The following CSRNP3 variants were observed in gnomAD, a reference collection of about 807,000 sequenced individuals.
CSRNP3 encodes the protein cysteine/serine-rich nuclear protein 3.
A neutral mutation model predicts 48.0 loss-of-function variants in CSRNP3; 12 were observed. That is an observed-to-expected ratio of 0.25 (90% CI 0.16 to 0.41). The LOEUF (loss-of-function observed/expected upper bound fraction) is 0.41, where lower values mean the gene tolerates loss of function less well. CSRNP3 is among the 10% of genes least tolerant of loss of function. The pLI is 1.00. For synonymous variants in CSRNP3, 263 were observed against 269.7 expected, an observed-to-expected ratio of 0.98 and a Z score of 0.24; for missense variants, 580 against 724.4, an observed-to-expected ratio of 0.80 and a Z score of 2.29.
Position 165,679,837 on chromosome 2 carries a change from A to T in CSRNP3, c.*84A>T. On this transcript the variant is annotated 3_prime_UTR_variant, in exon 7 of 7. Coordinates refer to ENST00000651982, the MANE Select transcript of CSRNP3 (RefSeq NM_001172173.2). ...ATTTCCTGGGCTCATCATTGTTTAA[A>T]CTGAAGACCAAGAAAACTTGGACGG... 1 of 1,513,350 alleles carries T rather than the reference A, an allele frequency of 6.6e-7. No individual in the cohort carries two copies. The highest frequency in any genetic ancestry group is 8.8e-7 in the Non-Finnish European group (1 of 1,134,276). 93.7% of individuals were successfully genotyped at this position (1,513,350 alleles called of 1,614,324 possible). A position where few individuals can be genotyped will look rare whatever the true frequency, so the allele number is the denominator to read the frequency against.
chr2:165,634,748 T>C (rs1686599684), intron 4 of CSRNP3, among the ~76,000 whole-genome samples: 1 of 152,212 alleles, frequency 6.6e-6, no homozygotes. Context: ...TACAACCTGG[T>C]GAAGAAACCT....
At position 165,606,817 on chromosome 2, in the gene CSRNP3, AAC is replaced by A. The variant is rs1024643867; in HGVS notation, c.148+11611_148+11612del. ...AGTATGATAGTATTTATGTAATTAA[AAC>A]ACACACGCACAGAGAGTGGCACCAT... On this transcript the variant is annotated intron_variant, in intron 4 of 6. Coordinates refer to ENST00000651982, the MANE Select transcript of CSRNP3 (RefSeq NM_001172173.2). Among the ~76,000 whole-genome samples the A allele has an allele frequency of 6.6e-5, 10 of 152,140 alleles. No homozygotes were observed. The South Asian group carries it at 1.9e-3, about 28-fold the overall frequency.
intron 4 of CSRNP3, among the ~76,000 whole-genome samples, chr2:165,644,958 G>T (rs2105337122): frequency 6.6e-6 from 1 of 152,140 alleles, no homozygotes; most frequent in South Asian, 2.1e-4. Context: ...TCTGGTAAGG[G>T]TCCACTTCTC....
intron 4 of CSRNP3, among the ~76,000 whole-genome samples, chr2:165,625,823 C>T (rs1013973758): frequency 2.0e-5 from 3 of 149,756 alleles, no homozygotes; most frequent in Non-Finnish European, 4.4e-5. Context: ...ATCCCAGCTA[C>T]TCGGCAGGCT....
At chr2:165,641,786 C>T (rs1686725169) in intron 4 of CSRNP3, among the ~76,000 whole-genome samples, 1 of 152,120 alleles carries the variant, frequency 6.6e-6, no homozygotes, top group African/African-American at 2.4e-5. Flanking sequence ...ATAAAGGAAA[C>T]ATGGAAATTT....
intron 3 of CSRNP3, among the ~76,000 whole-genome samples, chr2:165,592,068 G>A (rs1685726694): frequency 6.6e-6 from 1 of 152,220 alleles, no homozygotes. Flanking sequence ...ACCCTGCAAA[G>A]CCACAGGGGC....
At chr2:165,675,083 C>A (rs538194812) in intron 5 of CSRNP3, among the ~76,000 whole-genome samples, 103 of 152,122 alleles carry the variant, frequency 6.8e-4, no homozygotes, top group African/African-American at 2.4e-3. Context: ...TGCTTGAGGG[C>A]AAAGTCCAAT....
chr2:165,543,770 T>C (rs537456568), intron 3 of CSRNP3, among the ~76,000 whole-genome samples: 2 of 152,158 alleles, frequency 1.3e-5, no homozygotes, highest in East Asian at 3.9e-4. Context: ...TAAAATGGGG[T>C]ATCCATCTCC....
intron 2 of CSRNP3, among the ~76,000 whole-genome samples, chr2:165,509,597 CA>C (rs1558920173): frequency 1.3e-5 from 2 of 152,116 alleles, no homozygotes; most frequent in Admixed American, 6.5e-5. Context: ...AGGCTTTTTA[CA>C]ATAAGCATTT....
chr2:165,476,905 T>C (rs1683969612), intron 1 of CSRNP3, among the ~76,000 whole-genome samples: 7 of 152,204 alleles, frequency 4.6e-5, no homozygotes, highest in Admixed American at 4.6e-4. Flanking sequence ...TGCTTTTCTG[T>C]TTATAAGCCA....
intron 4 of CSRNP3, among the ~76,000 whole-genome samples, chr2:165,610,822 A>C (rs765454738): frequency 7.2e-5 from 11 of 152,052 alleles, no homozygotes; most frequent in Non-Finnish European, 1.3e-4. Flanking sequence ...CCCTTTGCAG[A>C]ACTCTCTTGA....
intron 4 of CSRNP3, among the ~76,000 whole-genome samples, chr2:165,607,758 C>T (rs1320509452): frequency 6.6e-6 from 1 of 152,128 alleles, no homozygotes; most frequent in African/African-American, 2.4e-5. Context: ...ATGGACTTCA[C>T]TGCAAACTCA....
At chr2:165,641,568 C>G (rs942747351) in intron 4 of CSRNP3, among the ~76,000 whole-genome samples, 5 of 152,116 alleles carry the variant, frequency 3.3e-5, no homozygotes, top group African/African-American at 1.2e-4. Flanking sequence ...CTCACTTTTT[C>G]CTTTTTTCCA....
intron 2 of CSRNP3, among the ~76,000 whole-genome samples, chr2:165,507,245 G>A (rs1384729740): frequency 6.6e-6 from 1 of 151,964 alleles, no homozygotes; most frequent in Non-Finnish European, 1.5e-5. Flanking sequence ...TCACTATATA[G>A]TATAAAATCA....
intron 4 of CSRNP3, among the ~76,000 whole-genome samples, chr2:165,646,630 C>T (rs1265565950): frequency 1.3e-5 from 2 of 152,054 alleles, no homozygotes; most frequent in Non-Finnish European, 2.9e-5. Flanking sequence ...TTCCATGTCC[C>T]CAAAATATTT....
intron 3 of CSRNP3, among the ~76,000 whole-genome samples, chr2:165,553,987 A>G (rs1685131755): frequency 6.6e-6 from 1 of 152,192 alleles, no homozygotes; most frequent in South Asian, 2.1e-4. Flanking sequence ...TCCTCTGATC[A>G]GGCATTGTCT....
intron 3 of CSRNP3, among the ~76,000 whole-genome samples, chr2:165,541,136 T>A (rs1267316688): frequency 6.6e-6 from 1 of 151,944 alleles, no homozygotes; most frequent in African/African-American, 2.4e-5. Flanking sequence ...GTAGTTCGAA[T>A]TCTAGCTCAA....
chr2:165,482,265 C>CTTTTTTTTTTTTTTTT (rs5836042), intron 1 of CSRNP3, among the ~76,000 whole-genome samples: 1 of 143,282 alleles, frequency 7.0e-6, no homozygotes. Context: ...AAGAGATGTG[C>CTTTTTTTTTTTTTTTT]TTTTTTTTTT....
chr2:165,579,266 A>G (rs1178025424), intron 3 of CSRNP3, among the ~76,000 whole-genome samples: 1 of 152,192 alleles, frequency 6.6e-6, no homozygotes, highest in Non-Finnish European at 1.5e-5. Context: ...TGAATGGGAC[A>G]AGTAGAGAAA....
Sources: allele counts gnomAD v4.1 joint callset (sites outside exome capture counted in the v4.1 genomes callset), GRCh38; gene constraint gnomAD v4.1.1; transcripts MANE v1.5; gene names NCBI Gene and HGNC (gene_info 2026-07-23, HGNC 2026-07-21).